CYB5R4: variants seen among roughly 807,000 people sequenced by gnomAD.
CYB5R4 encodes N-terminal cytochrome b5 and cytochrome b5 oxidoreductase domain-containing protein.
CYB5R4 carries 55 observed loss-of-function variants against 70.2 expected under a neutral mutation model. The observed-to-expected ratio is 0.78, with a 90% CI of 0.63 to 0.98. CYB5R4 has a LOEUF of 0.98. Ranked by LOEUF, CYB5R4 falls within the 50% of genes least tolerant of loss-of-function variation. The probability of loss-of-function intolerance (pLI) is 0.00; values close to 1 mark genes in which losing one functional copy is unlikely to be tolerated. For missense variants in CYB5R4, 562 were observed against 612.6 expected, an observed-to-expected ratio of 0.92 and a Z score of 0.87; for synonymous variants, 197 against 199.5, an observed-to-expected ratio of 0.99 and a Z score of 0.11.
chr6:83,881,555 C>A (rs1291958822), intron 2 of CYB5R4, among the ~76,000 whole-genome samples: 1 of 152,176 alleles, frequency 6.6e-6, no homozygotes, highest in Non-Finnish European at 1.5e-5. Flanking sequence ...ATTCCTGTAC[C>A]TTTTGGGGGT....
At chr6:83,916,376 A>G (rs1378538387) in intron 5 of CYB5R4, among the ~76,000 whole-genome samples, 3 of 152,154 alleles carry the variant, frequency 2.0e-5, no homozygotes, top group Non-Finnish European at 2.9e-5. Flanking sequence ...ATTTTGATGC[A>G]TTTGATTTTT....
intron 14 of CYB5R4, among the ~76,000 whole-genome samples, chr6:83,947,892 A>G (rs1251344325): frequency 6.6e-6 from 1 of 152,192 alleles, no homozygotes; most frequent in Non-Finnish European, 1.5e-5. Flanking sequence ...GAGGGTGTGG[A>G]GAAATAGGAA....
At chr6:83,950,884 C>T in intron 14 of CYB5R4, among the ~76,000 whole-genome samples, 1 of 152,178 alleles carries the variant, frequency 6.6e-6, no homozygotes, top group Non-Finnish European at 1.5e-5. Flanking sequence ...ATTTTTATAA[C>T]TACATTTCTA....
chr6:83,907,058 T>A (rs2099463887), intron 3 of CYB5R4, among the ~76,000 whole-genome samples: 1 of 152,184 alleles, frequency 6.6e-6, no homozygotes, highest in South Asian at 2.1e-4. Context: ...CCTAAATATG[T>A]GAGTGAAAGA....
At chr6:83,933,179 CT>C (rs1384396724) in intron 10 of CYB5R4, among the ~76,000 whole-genome samples, 1 of 152,132 alleles carries the variant, frequency 6.6e-6, no homozygotes, top group Non-Finnish European at 1.5e-5. Context: ...CTTGTTAGGC[CT>C]TCCGGGATAA....
chr6:83,882,718 T>G lies in CYB5R4; in HGVS notation c.230-10804T>G, dbSNP rs550987104. 2.0e-5 allele frequency among the ~76,000 whole-genome samples: 3 copies of G among 152,324 alleles called. No individual in the cohort carries two copies. The South Asian group carries it at 6.2e-4, about 32-fold the overall frequency. On this transcript the variant is annotated intron_variant, in intron 2 of 15. Coordinates refer to ENST00000369681, the MANE Select transcript of CYB5R4 (RefSeq NM_016230.4). ...AATATATGATACAGGCCCGGCGTGGTGGCTCACGCCTATAATCCCAGCAGT... is the reference window on the plus strand; with the variant it reads ...AATATATGATACAGGCCCGGCGTGGGGGCTCACGCCTATAATCCCAGCAGT...
chr6:83,899,945 G>A (rs965746187), intron 3 of CYB5R4, among the ~76,000 whole-genome samples: 20 of 152,004 alleles, frequency 1.3e-4, no homozygotes, highest in African/African-American at 4.8e-4. Flanking sequence ...TTTTTGAAGG[G>A]TTTTTTATGT....
chr6:83,941,252 G>A (rs1468015699), intron 14 of CYB5R4, among the ~76,000 whole-genome samples: 2 of 152,142 alleles, frequency 1.3e-5, no homozygotes, highest in Non-Finnish European at 2.9e-5. Flanking sequence ...AAAGAGCTCA[G>A]CCCAGTAAAC....
chr6:83,961,270 C>G lies in CYB5R4; in HGVS notation c.*1392C>G, dbSNP rs954623161. The G allele has an allele frequency of 1.5e-4, 23 of 152,130 alleles. No individual in the cohort carries two copies. The highest frequency in any genetic ancestry group is 5.6e-4 in the African/African-American group (23 of 41,414). 9.4% of individuals were successfully genotyped at this position (152,130 alleles called of 1,614,324 possible). ...CTAGCTGTCCTGGACTGGTACTGTTCCCTGGTAGGTAACAAGAACTTTTTC... is the reference window on the plus strand; with the variant it reads ...CTAGCTGTCCTGGACTGGTACTGTTGCCTGGTAGGTAACAAGAACTTTTTC... On this transcript the variant is annotated 3_prime_UTR_variant, in exon 16 of 16. Transcript: ENST00000369681.
chr6:83,950,165 A>T (rs981997086), intron 14 of CYB5R4, among the ~76,000 whole-genome samples: 1 of 152,234 alleles, frequency 6.6e-6, no homozygotes, highest in South Asian at 2.1e-4. Context: ...TCTGATTTTC[A>T]TGTCATTAAG....
chr6:83,878,760 T>G (rs951728556), intron 2 of CYB5R4, among the ~76,000 whole-genome samples: 15 of 152,154 alleles, frequency 9.9e-5, no homozygotes, highest in Non-Finnish European at 1.9e-4. Context: ...GGTAGTTAGG[T>G]TGAATCAATC....
chr6:83,926,486 T>C (rs529109332), intron 10 of CYB5R4, among the ~76,000 whole-genome samples: 1 of 152,292 alleles, frequency 6.6e-6, no homozygotes, highest in East Asian at 1.9e-4. Context: ...GATGGCCTCC[T>C]TTTTTCCTGT....
chr6:83,903,153 G>T (rs996654404), intron 3 of CYB5R4, among the ~76,000 whole-genome samples: 4 of 152,032 alleles, frequency 2.6e-5, no homozygotes, highest in Non-Finnish European at 5.9e-5. Flanking sequence ...TTAGCTGTGG[G>T]TTTGTCATAT....
In CYB5R4 at chr6:83,955,395, A is replaced by G; in HGVS notation, c.1444A>G (p.Asn482Asp). Residue 482 changes from asparagine (N) to aspartate (D), a missense_variant, in exon 15 of 16, where the codon AAT (asparagine) becomes GAT (aspartate). Transcript: ENST00000369681. ...TCTTCTTTCTGAATTTTTGAAAAGA[A>G]ATTTGGACAAATCCAAAGTTCTCGT... The part of the protein sequence containing the change: ...PALLSEFLKR[N>D]LDKSKVLVCI... 1 of 1,614,014 alleles carries G rather than the reference A, an allele frequency of 6.2e-7. No individual in the cohort carries two copies. Among genetic ancestry groups the G allele is most frequent in the South Asian group, 1.1e-5 (1 of 91,074 alleles).
chr6:83,914,945 G>T (rs1053520148), intron 5 of CYB5R4, among the ~76,000 whole-genome samples: 1 of 151,292 alleles, frequency 6.6e-6, no homozygotes, highest in South Asian at 2.1e-4. Context: ...TCTTATCGTC[G>T]TGCCTTCTGT....
intron 1 of CYB5R4, among the ~76,000 whole-genome samples, chr6:83,861,367 G>C (rs534401025): frequency 2.7e-4 from 41 of 152,328 alleles, no homozygotes; most frequent in Non-Finnish European, 5.1e-4. Context: ...AGTCAGGTTT[G>C]GATGAAATGG....
chr6:83,917,888 C>A, intron 5 of CYB5R4, 117 bp from the exon 6 acceptor site: 4 of 776,374 alleles, frequency 5.2e-6, no homozygotes, highest in Non-Finnish European at 8.6e-6. Context: ...TTGAGTAGTA[C>A]ATTTGTGATT....
chr6:83,896,554 A>G (rs1190345072), intron 3 of CYB5R4, among the ~76,000 whole-genome samples: 1 of 152,194 alleles, frequency 6.6e-6, no homozygotes, highest in Non-Finnish European at 1.5e-5. Flanking sequence ...CACTTGATGT[A>G]ATGATCTCCA....
Position 83,899,628 on chromosome 6 carries a change from T to G in CYB5R4, c.330+6006T>G, listed in dbSNP as rs1232041576. 3.9e-5 allele frequency among the ~76,000 whole-genome samples: 6 copies of G among 152,328 alleles called. No homozygotes were observed. In the East Asian group the frequency reaches 1.2e-3, roughly 29 times the overall value. On this transcript the variant is annotated intron_variant, in intron 3 of 15. Coordinates refer to ENST00000369681, the MANE Select transcript of CYB5R4 (RefSeq NM_016230.4). ...TTTTGGTTGGTAAGCTATTAATTAT[T>G]GCCTCAATTTCAGAGCCTGTTATTG...
Sources: gnomAD v4.1 joint callset for allele counts (sites outside exome capture counted in the v4.1 genomes callset) on GRCh38, gnomAD v4.1.1 for gene constraint, MANE v1.5 for transcripts, NCBI Gene and HGNC (gene_info 2026-07-23, HGNC 2026-07-21) for gene names.